CACNA1D: variants seen among roughly 807,000 people sequenced by gnomAD.
The protein encoded by CACNA1D is calcium voltage-gated channel subunit alpha1 D, also known as voltage-dependent L-type calcium channel subunit alpha-1D.
In CACNA1D, 55 loss-of-function variants were observed where a neutral mutation model predicts 257.1. The ratio of observed to expected loss-of-function variants is 0.21; its 90% CI spans 0.17 to 0.27. The LOEUF (loss-of-function observed/expected upper bound fraction) is 0.27, where lower values mean the gene tolerates loss of function less well. Among genes scored for constraint, CACNA1D ranks in the 10% least tolerant of loss-of-function variants. CACNA1D has a pLI of 1.00. For missense variants in CACNA1D, 1,876 were observed against 2,784.0 expected, an observed-to-expected ratio of 0.67 and a Z score of 7.34; for synonymous variants, 980 against 1,014.9, an observed-to-expected ratio of 0.97 and a Z score of 0.65.
intron 34 of CACNA1D, among the ~76,000 whole-genome samples, chr3:53,775,196 C>G (rs997439028): frequency 6.6e-6 from 1 of 152,210 alleles, no homozygotes; most frequent in East Asian, 1.9e-4. Flanking sequence ...TAGTGACTGA[C>G]AAGTCATTTG....
At chr3:53,697,838 A>T (rs1479170149) in intron 8 of CACNA1D, among the ~76,000 whole-genome samples, 1 of 152,106 alleles carries the variant, frequency 6.6e-6, no homozygotes, top group Non-Finnish European at 1.5e-5. Context: ...TATCTCCATA[A>T]TGTGTTTTGG....
chr3:53,523,739 C>G (rs370315836), intron 3 of CACNA1D, among the ~76,000 whole-genome samples: 3 of 152,388 alleles, frequency 2.0e-5, no homozygotes, highest in East Asian at 3.9e-4. Flanking sequence ...ATTAAGAAAC[C>G]TTTCAATTAC....
chr3:53,655,428 C>T (rs527445887), intron 4 of CACNA1D, among the ~76,000 whole-genome samples: 1 of 152,176 alleles, frequency 6.6e-6, no homozygotes, highest in Non-Finnish European at 1.5e-5. Flanking sequence ...GTTCACACTC[C>T]CACCAACAGT....
intron 3 of CACNA1D, among the ~76,000 whole-genome samples, chr3:53,590,689 A>T (rs1257430097): frequency 6.6e-6 from 1 of 152,174 alleles, no homozygotes; most frequent in Admixed American, 6.5e-5. Context: ...TCCTTGAGTT[A>T]AATCCTTGCC....
chr3:53,760,851 A>G (rs886326819), intron 29 of CACNA1D, among the ~76,000 whole-genome samples: 1 of 152,214 alleles, frequency 6.6e-6, no homozygotes, highest in Non-Finnish European at 1.5e-5. Context: ...TCAAGCACTG[A>G]CTGGGTTCAA....
At chr3:53,666,987 G>A (rs1371781272) in intron 7 of CACNA1D, among the ~76,000 whole-genome samples, 1 of 151,968 alleles carries the variant, frequency 6.6e-6, no homozygotes, top group Non-Finnish European at 1.5e-5. Flanking sequence ...AATGTAAATC[G>A]GATCCCTTTC....
At chr3:53,718,053 T>A (rs893878318) in intron 9 of CACNA1D, among the ~76,000 whole-genome samples, 1 of 152,154 alleles carries the variant, frequency 6.6e-6, no homozygotes. Context: ...CTTGGAAATG[T>A]CTAGGGGGAT....
At chr3:53,563,156 C>T (rs188421932) in intron 3 of CACNA1D, among the ~76,000 whole-genome samples, 1 of 152,244 alleles carries the variant, frequency 6.6e-6, no homozygotes, top group African/African-American at 2.4e-5. Context: ...TATAACTCAC[C>T]ACACCTTTCA....
intron 8 of CACNA1D, chr3:53,679,191 A>T (rs982163718): frequency 3.5e-5 from 5 of 144,508 alleles, no homozygotes; most frequent in African/African-American, 5.2e-5. Flanking sequence ...AATCACTTGA[A>T]CCAGGGAGGT....
rs1553680730 is a variant in CACNA1D, at chr3:53,782,264, G to GTATATATATATATATATA, written c.4792+609_4792+626dup. The GTATATATATATATATATA allele has an allele frequency of 2.4e-3, 184 of 75,408 alleles. 1 individual carries two copies. Among genetic ancestry groups the GTATATATATATATATATA allele is most frequent in the African/African-American group, 4.1e-3 (65 of 15,850 alleles). 4.7% of individuals were successfully genotyped at this position (75,408 alleles called of 1,614,324 possible). ...AGTGTGTGTGTGTGTGTGTGTGTGT[G>GTATATATATATATATATA]TATATATATATATATATATATATAT... On this transcript the variant is annotated intron_variant, in intron 39 of 47. Coordinates refer to ENST00000350061, the MANE Select transcript of CACNA1D (RefSeq NM_001128840.3).
chr3:53,707,198 A>G (rs2094699330), intron 9 of CACNA1D, among the ~76,000 whole-genome samples: 1 of 152,010 alleles, frequency 6.6e-6, no homozygotes. Flanking sequence ...GCGATGCCCA[A>G]CACTGGCTGT....
Position 53,639,848 on chromosome 3 carries a change from C to T in CACNA1D, c.484-10931C>T, listed in dbSNP as rs570899357. Among the ~76,000 whole-genome samples the T allele has an allele frequency of 9.1e-4, 135 of 148,306 alleles. 1 individual carries two copies. Among genetic ancestry groups the T allele is most frequent in the African/African-American group, 3.2e-3 (130 of 40,294 alleles). ...AGTTCCTGCCATTTTGAAATGTTCACTCATTTCTTACTTTTTTTTTTTTTT... is the reference window on the plus strand; with the variant it reads ...AGTTCCTGCCATTTTGAAATGTTCATTCATTTCTTACTTTTTTTTTTTTTT... On this transcript the variant is annotated intron_variant, in intron 3 of 47. Coordinates refer to ENST00000350061, the MANE Select transcript of CACNA1D (RefSeq NM_001128840.3).
intron 3 of CACNA1D, among the ~76,000 whole-genome samples, chr3:53,576,632 A>G (rs1575942284): frequency 6.6e-6 from 1 of 152,032 alleles, no homozygotes. Context: ...AATATGTGTA[A>G]CTCCCCTTAA....
At chr3:53,636,018 TG>T (rs2093879357) in intron 3 of CACNA1D, among the ~76,000 whole-genome samples, 1 of 152,210 alleles carries the variant, frequency 6.6e-6, no homozygotes, top group African/African-American at 2.4e-5. Flanking sequence ...CCATTGGGTT[TG>T]CTTCTTGGGT....
At chr3:53,506,532 T>G (rs1240645019) in intron 3 of CACNA1D, among the ~76,000 whole-genome samples, 1 of 152,184 alleles carries the variant, frequency 6.6e-6, no homozygotes, top group Non-Finnish European at 1.5e-5. Context: ...ATCCTGTGCC[T>G]GGCACACAGG....
chr3:53,552,455 A>G (rs556391162), intron 3 of CACNA1D, among the ~76,000 whole-genome samples: 1 of 152,168 alleles, frequency 6.6e-6, no homozygotes, highest in Non-Finnish European at 1.5e-5. Context: ...ATCTCAGCTC[A>G]CTGCAACCTC....
At chr3:53,686,040 G>A (rs577619768) in intron 8 of CACNA1D, among the ~76,000 whole-genome samples, 2 of 152,108 alleles carry the variant, frequency 1.3e-5, no homozygotes, top group Admixed American at 1.3e-4. Flanking sequence ...TTTTATAAAT[G>A]AAAGAGGAGA....
intron 3 of CACNA1D, among the ~76,000 whole-genome samples, chr3:53,509,758 A>G (rs2091029851): frequency 2.0e-5 from 3 of 152,314 alleles, no homozygotes; most frequent in South Asian, 4.2e-4. Flanking sequence ...CGAGAGGCTC[A>G]TGCTCTTTCT....
At chr3:53,803,660 C>A in intron 44 of CACNA1D, 88 bp downstream of exon 44, 1 of 1,376,448 alleles carries the variant, frequency 7.3e-7, no homozygotes, top group Non-Finnish European at 1.0e-6. Context: ...CCGGCAGCTG[C>A]ACTTGGGCTT....
Sources: gnomAD v4.1 joint callset for allele counts (sites outside exome capture counted in the v4.1 genomes callset) on GRCh38, gnomAD v4.1.1 for gene constraint, MANE v1.5 for transcripts, NCBI Gene and HGNC (gene_info 2026-07-23, HGNC 2026-07-21) for gene names.